EYA4: variants seen among roughly 807,000 people sequenced by gnomAD.
The protein encoded by EYA4 is protein phosphatase EYA4.
EYA4 carries 31 observed loss-of-function variants against 87.9 expected under a neutral mutation model. The ratio of observed to expected loss-of-function variants is 0.35; its 90% confidence interval spans 0.27 to 0.48. The LOEUF is 0.48. EYA4 is among the 20% of genes least tolerant of loss of function. The pLI, the probability that EYA4 is intolerant of heterozygous loss-of-function variation, is 0.99. For synonymous variants in EYA4, 263 were observed against 270.6 expected (o/e 0.97, Z 0.28); for missense variants, 678 against 761.4 (o/e 0.89, Z 1.29).
At position 133,525,188 on chromosome 6, in the gene EYA4, G is replaced by A. The variant is rs772266373; in HGVS notation, c.1773G>A (p.Arg591=). Residue 591 remains arginine (R), a synonymous_variant, in exon 19 of 20, where the codon AGG becomes AGA. Coordinates refer to ENST00000355286, the MANE Select transcript of EYA4 (RefSeq NM_004100.5). Reference sequence around the variant, plus strand: ...GTTGCTTTGAACGAATAATGCAAAGGTTTGGCAGAAAAGTAGTGTATGTTG... The same window carrying A: ...GTTGCTTTGAACGAATAATGCAAAGATTTGGCAGAAAAGTAGTGTATGTTG... ...KESCFERIMQ[R]FGRKVVYVVI... 5.0e-5 allele frequency: 81 copies of A among 1,613,650 alleles called. No individual in the cohort carries two copies. The highest frequency in any genetic ancestry group is 5.4e-5 in the Non-Finnish European group (64 of 1,179,800).
intron 1 of EYA4, among the ~76,000 whole-genome samples, chr6:133,273,899 G>A (rs1776945379): frequency 6.6e-6 from 1 of 151,966 alleles, no homozygotes; most frequent in African/African-American, 2.4e-5. Context: ...TTTTCATTGT[G>A]TGTGTGTGGG....
intron 2 of EYA4, among the ~76,000 whole-genome samples, chr6:133,312,091 G>T (rs62431673): frequency 6.6e-6 from 1 of 152,150 alleles, no homozygotes; most frequent in Non-Finnish European, 1.5e-5. Context: ...GGAGGTTGGG[G>T]TGTTTGTGTG....
chr6:133,481,271 A>G (rs1796195608), intron 11 of EYA4, among the ~76,000 whole-genome samples, 192 bp from the exon 12 acceptor site: 1 of 152,224 alleles, frequency 6.6e-6, no homozygotes. Flanking sequence ...GATCACATAG[A>G]TTACAACTAG....
chr6:133,461,548 G>T (rs1229564838), intron 7 of EYA4, among the ~76,000 whole-genome samples: 1 of 152,010 alleles, frequency 6.6e-6, no homozygotes, highest in East Asian at 1.9e-4. Context: ...ATGCCTTATT[G>T]TTTTTATAAC....
At chr6:133,255,255 C>A (rs1035616720) in intron 1 of EYA4, among the ~76,000 whole-genome samples, 1 of 151,058 alleles carries the variant, frequency 6.6e-6, no homozygotes, top group East Asian at 1.9e-4. Context: ...TTTTTTTAAT[C>A]TGTTACTTAA....
At position 133,483,052 on chromosome 6, in the gene EYA4, G is replaced by A. The variant is rs1259808484; in HGVS notation, c.1128G>A (p.Leu376=). ...SDLERVFVWD[L]DETIIVFHSL... ...TTCAGCGTGTGTTTGTCTGGGATTT[G>A]GATGAAACCATCATTGTTTTTCACT... The change falls in exon 13 of 20, where the codon TTG becomes TTA. Residue 376 remains leucine, a synonymous_variant. Coordinates refer to ENST00000355286, the MANE Select transcript of EYA4 (RefSeq NM_004100.5). 1.2e-6 allele frequency: 2 copies of A among 1,613,104 alleles called. No homozygotes were observed. The highest frequency in any genetic ancestry group is 8.5e-7 in the Non-Finnish European group (1 of 1,179,474).
At position 133,531,252 on chromosome 6, in the gene EYA4, A is replaced by G. The variant is rs1287258119; in HGVS notation, c.*2447A>G. 3.3e-6 allele frequency: 5 copies of G among 1,511,402 alleles called. No homozygotes were observed. The highest frequency in any genetic ancestry group is 3.9e-5 in the Admixed American group (2 of 50,936). The allele number at this position is 1,511,402 out of a possible 1,614,324, so 93.6% of individuals were successfully genotyped here. A position where few individuals can be genotyped will look rare whatever the true frequency, so the allele number is the denominator to read the frequency against. ...AACCTAAATGCAAGGTTGACGGAGAACAGCTTGTCTGGCACAACAATGGTG... is the reference window on the plus strand; with the variant it reads ...AACCTAAATGCAAGGTTGACGGAGAGCAGCTTGTCTGGCACAACAATGGTG... On this transcript the variant is annotated 3_prime_UTR_variant, in exon 20 of 20. Transcript: ENST00000355286.
Position 133,241,567 on chromosome 6 carries a change from C to G in EYA4, c.-248C>G, listed in dbSNP as rs535846524. 4 of 152,364 alleles carry G rather than the reference C, an allele frequency of 2.6e-5. No homozygotes were observed. In the South Asian group the frequency reaches 8.3e-4, roughly 32 times the overall value. The allele number at this position is 152,364 out of a possible 1,614,324, so 9.4% of individuals were successfully genotyped here. A position where few individuals can be genotyped will look rare whatever the true frequency, so the allele number is the denominator to read the frequency against. On this transcript the variant is annotated 5_prime_UTR_variant, in exon 1 of 20. Transcript: ENST00000355286. ...CGGCTTCTCCCTCCGCCCCGCTTCT[C>G]CCCCGCTTGTGTACGCTATTTGTTG...
intron 3 of EYA4, among the ~76,000 whole-genome samples, chr6:133,434,412 G>A (rs1791463758): frequency 6.6e-6 from 1 of 151,916 alleles, no homozygotes; most frequent in Admixed American, 6.5e-5. Flanking sequence ...TGTCTGTGTT[G>A]TAGAAGTGAT....
At chr6:133,373,381 A>G (rs1224030708) in intron 2 of EYA4, among the ~76,000 whole-genome samples, 1 of 152,092 alleles carries the variant, frequency 6.6e-6, no homozygotes, top group Non-Finnish European at 1.5e-5. Context: ...AACATGAGCA[A>G]ATTTTCTCTA....
At position 133,464,663 on chromosome 6, in the gene EYA4, T is replaced by G. The variant is rs553268026; in HGVS notation, c.725-116T>G. The G allele has an allele frequency of 2.0e-4, 144 of 727,882 alleles. No individual in the cohort carries two copies. In the African/African-American group the frequency reaches 2.3e-3, roughly 11 times the overall value. 45.1% of individuals were successfully genotyped at this position (727,882 alleles called of 1,614,324 possible). A position where few individuals can be genotyped will look rare whatever the true frequency, so the allele number is the denominator to read the frequency against. ...CTGTATAAATGTCTCAACTTCAAAT[T>G]TCACTGTCTTCACGACAAATTTCAA... is the stretch of plus-strand genomic sequence containing the variant. On this transcript the variant is annotated intron_variant, in intron 9 of 19. Transcript: ENST00000355286.
intron 5 of EYA4, among the ~76,000 whole-genome samples, chr6:133,449,963 A>G (rs1453178287): frequency 6.6e-6 from 1 of 152,174 alleles, no homozygotes; most frequent in East Asian, 1.9e-4. Flanking sequence ...GTAGCATATT[A>G]TATGAAACTT....
intron 2 of EYA4, among the ~76,000 whole-genome samples, chr6:133,309,684 C>T (rs915892721): frequency 3.9e-5 from 6 of 152,160 alleles, no homozygotes; most frequent in African/African-American, 9.7e-5. Flanking sequence ...GCCAACATGC[C>T]TCCTTATTTG....
rs554215772 is a variant in EYA4 at position 133,530,545 on chromosome 6, A to G, written c.*1740A>G. 8 of 985,860 alleles carry G rather than the reference A, an allele frequency of 8.1e-6. No homozygotes were observed. In the South Asian group the frequency reaches 3.3e-4, roughly 41 times the overall value. 61.1% of individuals were successfully genotyped at this position (985,860 alleles called of 1,614,324 possible). ...AGTGCCCCTAGCCAGAGGCTGGTTC[A>G]TGAGTTCATCAACTGAGGCCTCTGT... On this transcript the variant is annotated 3_prime_UTR_variant, in exon 20 of 20. Coordinates refer to ENST00000355286, the MANE Select transcript of EYA4 (RefSeq NM_004100.5).
chr6:133,480,463 A>G (rs1274954441), intron 11 of EYA4, among the ~76,000 whole-genome samples: 1 of 152,172 alleles, frequency 6.6e-6, no homozygotes, highest in African/African-American at 2.4e-5. Context: ...TGCTGCAGCC[A>G]CTGGCCACAC....
intron 2 of EYA4, among the ~76,000 whole-genome samples, chr6:133,280,130 G>A (rs1680751713): frequency 6.6e-6 from 1 of 152,072 alleles, no homozygotes; most frequent in Non-Finnish European, 1.5e-5. Flanking sequence ...CGAAGAACTT[G>A]ACCTTTAAAC....
intron 1 of EYA4, among the ~76,000 whole-genome samples, chr6:133,274,259 A>G (rs1275504653): frequency 6.6e-6 from 1 of 152,212 alleles, no homozygotes; most frequent in Non-Finnish European, 1.5e-5. Flanking sequence ...ATTATTTTTC[A>G]GAAGAATAAT....
intron 1 of EYA4, chr6:133,247,821 TG>T (rs1465079686): frequency 2.0e-5 from 3 of 148,748 alleles, no homozygotes; most frequent in African/African-American, 7.4e-5. Flanking sequence ...CCGCCGCCTC[TG>T]GAGTTCTCTC....
intron 3 of EYA4, among the ~76,000 whole-genome samples, chr6:133,395,263 G>A (rs1374440422): frequency 1.3e-5 from 2 of 150,600 alleles, no homozygotes; most frequent in Admixed American, 6.6e-5. Context: ...TCCAGGTCAG[G>A]TACCTAGCAC....
Sources: gnomAD v4.1 joint callset for allele counts (sites outside exome capture counted in the v4.1 genomes callset) on GRCh38, gnomAD v4.1.1 for gene constraint, MANE v1.5 for transcripts, NCBI Gene and HGNC (gene_info 2026-07-23, HGNC 2026-07-21) for gene names.